Variants in CHCHD6 observed in about 807,000 individuals in gnomAD.
CHCHD6 encodes the protein MICOS complex subunit MIC25.
Under a neutral mutation model 32.3 loss-of-function variants are expected in CHCHD6, and 28 were observed. That is an observed-to-expected ratio of 0.87 (90% CI 0.64 to 1.19). The LOEUF (loss-of-function observed/expected upper bound fraction) is 1.19, where lower values mean the gene tolerates loss of function less well. Among genes scored for constraint, CHCHD6 ranks in the 50% most tolerant of loss-of-function variants. CHCHD6 has a pLI of 0.00. For missense variants in CHCHD6, 333 were observed against 307.0 expected (o/e 1.08, Z -0.63); for synonymous variants, 122 against 117.5 (o/e 1.04, Z -0.25).
intron 1 of CHCHD6, among the ~76,000 whole-genome samples, chr3:126,714,785 G>C (rs1444397792): frequency 6.6e-6 from 1 of 152,158 alleles, no homozygotes; most frequent in Non-Finnish European, 1.5e-5. Context: ...TGGCTGCGTA[G>C]GCCTGTCTCG....
chr3:126,830,119 A>G (rs147259550), intron 4 of CHCHD6, among the ~76,000 whole-genome samples: 1 of 152,202 alleles, frequency 6.6e-6, no homozygotes, highest in African/African-American at 2.4e-5. Flanking sequence ...AAATTAAATA[A>G]ATAAATAAAT....
chr3:126,858,110 G>C (rs1941724478), intron 5 of CHCHD6, among the ~76,000 whole-genome samples: 1 of 152,206 alleles, frequency 6.6e-6, no homozygotes, highest in Admixed American at 6.5e-5. Flanking sequence ...GTCCACAGCT[G>C]CAGGTGCTGC....
At chr3:126,902,765 A>G (rs1384661172) in intron 5 of CHCHD6, among the ~76,000 whole-genome samples, 1 of 151,248 alleles carries the variant, frequency 6.6e-6, no homozygotes, top group African/African-American at 2.4e-5. Flanking sequence ...CAAGACCCCT[A>G]GAGGCCTCCC....
At chr3:126,711,322 C>T (rs1020801484) in intron 1 of CHCHD6, among the ~76,000 whole-genome samples, 9 of 152,326 alleles carry the variant, frequency 5.9e-5, no homozygotes, top group South Asian at 2.1e-4. Context: ...CAGACCTGTT[C>T]GGGATGTGTG....
chr3:126,790,226 A>T (rs1290399378), intron 4 of CHCHD6, among the ~76,000 whole-genome samples: 1 of 151,918 alleles, frequency 6.6e-6, no homozygotes, highest in Non-Finnish European at 1.5e-5. Flanking sequence ...TTTGTGGGTA[A>T]CCCAACCTTT....
intron 6 of CHCHD6, among the ~76,000 whole-genome samples, chr3:126,925,948 C>T (rs1374748863): frequency 2.6e-5 from 4 of 152,184 alleles, no homozygotes; most frequent in Admixed American, 1.3e-4. Flanking sequence ...GGCTTGGTGG[C>T]GGGCTCTGTG....
At chr3:126,955,627 A>C (rs984536930) in intron 6 of CHCHD6, among the ~76,000 whole-genome samples, 15 of 152,034 alleles carry the variant, frequency 9.9e-5, no homozygotes, top group Non-Finnish European at 2.2e-4. Flanking sequence ...CCCCACACTC[A>C]TCCCTCCCCG....
At chr3:126,937,406 C>G (rs552558632) in intron 6 of CHCHD6, among the ~76,000 whole-genome samples, 2 of 152,168 alleles carry the variant, frequency 1.3e-5, no homozygotes, top group South Asian at 4.2e-4. Flanking sequence ...GCGTTGGGAG[C>G]TGAGCCTGGT....
At chr3:126,783,428 C>G (rs1938047703) in intron 4 of CHCHD6, among the ~76,000 whole-genome samples, 3 of 152,178 alleles carry the variant, frequency 2.0e-5, no homozygotes, top group African/African-American at 7.2e-5. Flanking sequence ...CTATTCAACA[C>G]AGGGCTCGAA....
At chr3:126,777,538 C>A (rs1937708096) in intron 4 of CHCHD6, among the ~76,000 whole-genome samples, 1 of 152,252 alleles carries the variant, frequency 6.6e-6, no homozygotes, top group Middle Eastern at 3.4e-3. Context: ...CTAGGAGACA[C>A]ACAGAAATGA....
intron 4 of CHCHD6, among the ~76,000 whole-genome samples, chr3:126,783,767 T>C (rs1353213728): frequency 2.0e-5 from 3 of 152,166 alleles, no homozygotes; most frequent in African/African-American, 7.2e-5. Flanking sequence ...GATCAGCAGC[T>C]GTGATCTGTA....
rs148867433 is a variant in CHCHD6, at chr3:126,877,675, G to A, written c.495+24945G>A. On this transcript the variant is annotated intron_variant, in intron 5 of 7. Transcript: ENST00000290913. Reference sequence around the variant, plus strand: ...AGAAGGAAAAAAGTTAGGTTAGGTAGACCAGCTGCATCAAACTAGATTTAA... The same window carrying A: ...AGAAGGAAAAAAGTTAGGTTAGGTAAACCAGCTGCATCAAACTAGATTTAA... 3.5e-4 allele frequency among the ~76,000 whole-genome samples: 53 copies of A among 152,312 alleles called. No individual in the cohort carries two copies. The East Asian group carries it at 6.0e-3, about 17-fold the overall frequency.
At chr3:126,720,813 A>G (rs1420290387) in intron 1 of CHCHD6, among the ~76,000 whole-genome samples, 2 of 152,140 alleles carry the variant, frequency 1.3e-5, no homozygotes, top group Non-Finnish European at 2.9e-5. Context: ...CACCCTCAGC[A>G]TGTGGCTAAG....
At chr3:126,890,541 G>A (rs1276427071) in intron 5 of CHCHD6, among the ~76,000 whole-genome samples, 1 of 152,130 alleles carries the variant, frequency 6.6e-6, no homozygotes, top group African/African-American at 2.4e-5. Context: ...AGGAGAGGTT[G>A]GGGATGAGAG....
intron 5 of CHCHD6, among the ~76,000 whole-genome samples, chr3:126,869,165 A>G (rs553077460): frequency 1.5e-4 from 23 of 152,222 alleles, no homozygotes; most frequent in Non-Finnish European, 2.9e-4. Context: ...AAATAATACA[A>G]ACATAGTTTG....
intron 4 of CHCHD6, among the ~76,000 whole-genome samples, chr3:126,793,438 G>A (rs114054313): frequency 0.01 from 1,566 of 152,152 alleles, 14 homozygotes; most frequent in Non-Finnish European, 0.015. Context: ...ACTTACCACA[G>A]TCTACTGTAT....
intron 1 of CHCHD6, among the ~76,000 whole-genome samples, chr3:126,723,926 A>G (rs909361818): frequency 2.0e-5 from 3 of 152,226 alleles, no homozygotes; most frequent in African/African-American, 7.2e-5. Flanking sequence ...AATATTTACT[A>G]AAGTGAACTC....
At chr3:126,745,414 A>G (rs1936455420) in intron 4 of CHCHD6, among the ~76,000 whole-genome samples, 1 of 152,170 alleles carries the variant, frequency 6.6e-6, no homozygotes, top group Non-Finnish European at 1.5e-5. Flanking sequence ...GCATGCTTTC[A>G]TAATATGTGA....
Position 126,917,809 on chromosome 3 carries a change from T to C in CHCHD6, c.566+3059T>C, listed in dbSNP as rs575406944. The stretch of plus-strand genomic sequence containing the variant: ...GACTCCAGAGAGCTCCCTTTCCTTT[T>C]CTACCATGTTGAGGACACAGAGAGA... On this transcript the variant is annotated intron_variant, in intron 6 of 7. Transcript: ENST00000290913. Among the ~76,000 whole-genome samples the C allele has an allele frequency of 3.4e-3, 514 of 152,298 alleles. 1 individual carries two copies. Among genetic ancestry groups the C allele is most frequent in the Non-Finnish European group, 4.3e-3 (295 of 68,032 alleles).
Sources: gnomAD v4.1 joint callset for allele counts (sites outside exome capture counted in the v4.1 genomes callset) on GRCh38, gnomAD v4.1.1 for gene constraint, MANE v1.5 for transcripts, NCBI Gene and HGNC (gene_info 2026-07-23, HGNC 2026-07-21) for gene names.